The following CDH18 variants were observed in gnomAD, a reference collection of about 807,000 sequenced individuals.
The protein encoded by CDH18 is cadherin-18.
A neutral mutation model predicts 67.9 loss-of-function variants in CDH18; 31 were observed. That is an observed-to-expected ratio of 0.46 (90% CI 0.34 to 0.62). The LOEUF is 0.62. CDH18 is among the 20% of genes least tolerant of loss of function. The pLI, the probability that CDH18 is intolerant of heterozygous loss-of-function variation, is 0.01. For synonymous variants in CDH18, 362 were observed against 347.2 expected, an observed-to-expected ratio of 1.04 and a Z score of -0.48; for missense variants, 890 against 975.5, an observed-to-expected ratio of 0.91 and a Z score of 1.17.
At chr5:19,727,510 C>T (rs12518434) in intron 4 of CDH18, among the ~76,000 whole-genome samples, 86,088 of 152,014 alleles carry the variant, frequency 0.57, 27,626 homozygotes, top group East Asian at 0.76. Context: ...TCAGAGAGAA[C>T]AAACTGGTGA....
At chr5:19,946,528 C>T (rs1440094429) in intron 2 of CDH18, among the ~76,000 whole-genome samples, 2 of 151,884 alleles carry the variant, frequency 1.3e-5, no homozygotes, top group South Asian at 4.2e-4. Context: ...TAAATGAATC[C>T]GAAGAAAATA....
At chr5:19,634,365 C>T (rs1359682186) in intron 5 of CDH18, among the ~76,000 whole-genome samples, 1 of 152,050 alleles carries the variant, frequency 6.6e-6, no homozygotes, top group Non-Finnish European at 1.5e-5. Context: ...GGTCCAAATC[C>T]TCTTCTCACT....
At chr5:20,482,955 T>A (rs544289185) in intron 1 of CDH18, among the ~76,000 whole-genome samples, 2 of 152,074 alleles carry the variant, frequency 1.3e-5, no homozygotes, top group Admixed American at 6.6e-5. Flanking sequence ...GAGAAAAAAA[T>A]AAATAGTATC....
intron 8 of CDH18, among the ~76,000 whole-genome samples, chr5:19,548,629 T>C (rs537495628): frequency 1.3e-5 from 2 of 152,178 alleles, no homozygotes; most frequent in South Asian, 4.1e-4. Flanking sequence ...GTAAGTACTA[T>C]TACTAGCTCC....
chr5:20,446,071 A>G (rs1267633311), intron 1 of CDH18, among the ~76,000 whole-genome samples: 1 of 152,176 alleles, frequency 6.6e-6, no homozygotes, highest in Non-Finnish European at 1.5e-5. Context: ...CCCATAATTC[A>G]TTAAGAAAAG....
intron 11 of CDH18, 136 bp from the exon 12 acceptor site, chr5:19,483,688 G>A: frequency 2.3e-6 from 2 of 854,744 alleles, no homozygotes; most frequent in Non-Finnish European, 3.4e-6. Flanking sequence ...ACACGAAGGG[G>A]CAATTATTAA....
rs573517217 is a variant in CDH18 at position 19,811,078 on chromosome 5, AAAAGAAAGAAAGAAAGAAAGAAAG to A, written c.228+27657_228+27680del. 1.5e-3 allele frequency among the ~76,000 whole-genome samples: 193 copies of A among 124,882 alleles called. 6 individuals are homozygous for A. In the East Asian group the frequency reaches 0.031, roughly 20 times the overall value. 81.9% of individuals were successfully genotyped at this position (124,882 alleles called of 152,430 possible). A position where few individuals can be genotyped will look rare whatever the true frequency, so the allele number is the denominator to read the frequency against. On this transcript the variant is annotated intron_variant, in intron 3 of 12. Coordinates refer to ENST00000382275, the MANE Select transcript of CDH18 (RefSeq NM_004934.5). ...AAGGAAAAGGGAAGGGAGAAAGAGA[AAAAGAAAGAAAGAAAGAAAGAAAG>A]AAAGAAAGAAAGAAAGAAAGAAAGA...
chr5:19,946,565 G>T (rs1423492873), intron 2 of CDH18, among the ~76,000 whole-genome samples: 1 of 152,108 alleles, frequency 6.6e-6, no homozygotes, highest in Non-Finnish European at 1.5e-5. Context: ...TTTAAAAATG[G>T]GGAGGATAAA....
chr5:20,341,177 T>C (rs901710612), intron 1 of CDH18, among the ~76,000 whole-genome samples: 2 of 152,140 alleles, frequency 1.3e-5, no homozygotes, highest in Non-Finnish European at 2.9e-5. Flanking sequence ...ATATTGATCC[T>C]GAGTGTGTCT....
intron 9 of CDH18, 137 bp from the exon 10 acceptor site, chr5:19,520,915 T>G (rs1002928349): frequency 1.2e-6 from 1 of 819,200 alleles, no homozygotes; most frequent in Non-Finnish European, 1.9e-6. Context: ...GACAACTTTA[T>G]GAAGGCGCTC....
chr5:20,557,433 T>G (rs1757966149), intron 1 of CDH18, among the ~76,000 whole-genome samples: 2 of 152,098 alleles, frequency 1.3e-5, no homozygotes, highest in South Asian at 4.1e-4. Flanking sequence ...AGATATAGAT[T>G]AGTAGTAACA....
chr5:20,250,074 T>TTA (rs1490427807), intron 2 of CDH18, among the ~76,000 whole-genome samples: 2 of 152,168 alleles, frequency 1.3e-5, no homozygotes, highest in Non-Finnish European at 2.9e-5. Flanking sequence ...TCTCAGAATG[T>TTA]TATATTTTAC....
At chr5:19,944,131 C>T (rs1795082936) in intron 2 of CDH18, among the ~76,000 whole-genome samples, 1 of 152,060 alleles carries the variant, frequency 6.6e-6, no homozygotes, top group African/African-American at 2.4e-5. Flanking sequence ...TAATATATTT[C>T]TTCTAATCTC....
intron 2 of CDH18, among the ~76,000 whole-genome samples, chr5:20,096,517 G>A (rs551267867): frequency 6.6e-6 from 1 of 152,184 alleles, no homozygotes; most frequent in Non-Finnish European, 1.5e-5. Flanking sequence ...ATTGTGCACA[G>A]TTATACAGAT....
chr5:19,575,717 C>T (rs1742206893), intron 7 of CDH18, among the ~76,000 whole-genome samples: 1 of 152,110 alleles, frequency 6.6e-6, no homozygotes, highest in East Asian at 1.9e-4. Context: ...TTGCCACAAA[C>T]AGGTTGGGTT....
intron 2 of CDH18, among the ~76,000 whole-genome samples, chr5:19,911,147 C>T (rs538193502): frequency 2.6e-5 from 4 of 152,026 alleles, no homozygotes; most frequent in Admixed American, 6.6e-5. Context: ...AGTATGGAGA[C>T]CTAAGTGTGT....
intron 2 of CDH18, among the ~76,000 whole-genome samples, chr5:19,972,082 G>C (rs1157116279): frequency 6.6e-6 from 1 of 151,994 alleles, no homozygotes; most frequent in African/African-American, 2.4e-5. Context: ...AAGAAAATGC[G>C]ATATTCTTTT....
intron 2 of CDH18, among the ~76,000 whole-genome samples, chr5:20,022,155 A>G (rs1738483971): frequency 6.6e-6 from 1 of 152,176 alleles, no homozygotes; most frequent in Non-Finnish European, 1.5e-5. Flanking sequence ...ATAACTTTAA[A>G]CACCACAAAA....
At chr5:20,197,918 T>C (rs564412347) in intron 2 of CDH18, among the ~76,000 whole-genome samples, 14 of 152,218 alleles carry the variant, frequency 9.2e-5, no homozygotes, top group South Asian at 2.1e-4. Context: ...GTGGAGATAA[T>C]TGAATTATGG....
Sources: allele counts gnomAD v4.1 joint callset (sites outside exome capture counted in the v4.1 genomes callset), GRCh38; gene constraint gnomAD v4.1.1; transcripts MANE v1.5; gene names NCBI Gene and HGNC (gene_info 2026-07-23, HGNC 2026-07-21).